RNF157: variants seen among roughly 807,000 people sequenced by gnomAD.
RNF157 encodes ring finger protein 157.
In RNF157, 55 loss-of-function variants were observed where a neutral mutation model predicts 88.3. That is an observed-to-expected ratio of 0.62 (90% confidence interval 0.50 to 0.78). The LOEUF (loss-of-function observed/expected upper bound fraction) is 0.78. RNF157 is among the 30% of genes least tolerant of loss of function. The pLI is 0.00. For synonymous variants in RNF157, 334 were observed against 341.2 expected, an observed-to-expected ratio of 0.98 and a Z score of 0.23; for missense variants, 788 against 860.8, an observed-to-expected ratio of 0.92 and a Z score of 1.06.
At chr17:76,233,082 A>G (rs1324617257) in intron 1 of RNF157, among the ~76,000 whole-genome samples, 1 of 152,026 alleles carries the variant, frequency 6.6e-6, no homozygotes, top group Non-Finnish European at 1.5e-5. Context: ...CACCACGCCC[A>G]GCTAATTTTT....
At chr17:76,210,393 A>C (rs375474263) in intron 2 of RNF157, among the ~76,000 whole-genome samples, 1 of 151,774 alleles carries the variant, frequency 6.6e-6, no homozygotes, top group Non-Finnish European at 1.5e-5. Flanking sequence ...GATCGAGACC[A>C]TCCTGGCTAA....
At chr17:76,190,887 G>A (rs1348512990) in intron 2 of RNF157, among the ~76,000 whole-genome samples, 4 of 150,312 alleles carry the variant, frequency 2.7e-5, no homozygotes, top group African/African-American at 9.8e-5. Context: ...CAGCCTGGGC[G>A]ACAGGGCGAG....
chr17:76,189,753 G>A (rs574897219), intron 2 of RNF157, among the ~76,000 whole-genome samples: 1 of 152,296 alleles, frequency 6.6e-6, no homozygotes, highest in South Asian at 2.1e-4. Flanking sequence ...CCGGAGAAGG[G>A]ACCCTCCGAA....
chr17:76,181,156 G>A (rs576651516), intron 2 of RNF157, among the ~76,000 whole-genome samples: 1 of 152,298 alleles, frequency 6.6e-6, no homozygotes, highest in African/African-American at 2.4e-5. Context: ...TGCTTCTACT[G>A]TAGGGCAAGT....
At chr17:76,199,072 G>C (rs1401463490) in intron 2 of RNF157, among the ~76,000 whole-genome samples, 1 of 152,214 alleles carries the variant, frequency 6.6e-6, no homozygotes, top group East Asian at 1.9e-4. Flanking sequence ...GTATTCCACA[G>C]AATGTAAATG....
chr17:76,198,644 T>C (rs956224058), intron 2 of RNF157, among the ~76,000 whole-genome samples: 4 of 152,212 alleles, frequency 2.6e-5, no homozygotes, highest in African/African-American at 7.2e-5. Flanking sequence ...CAAATCTCAG[T>C]TGGACAACTG....
In RNF157 at chr17:76,152,474, G is replaced by A; in HGVS notation, c.1811-9C>T. 6.4e-7 allele frequency: 1 copy of A among 1,572,904 alleles called. No individual in the cohort carries two copies. The highest frequency in any genetic ancestry group is 8.8e-7 in the Non-Finnish European group (1 of 1,142,538). ...TGCGCACGTCCTCTGGCCTGTAACG[G>A]AGTTAATGCAGTTAGAGAGGGGCTG... On this transcript the variant is annotated splice_polypyrimidine_tract_variant and intron_variant, in intron 17 of 18. Transcript: ENST00000269391.
Position 76,173,682 on chromosome 17 carries a change from C to A in RNF157, c.296+20G>T. 1 of 1,585,596 alleles carries A rather than the reference C, an allele frequency of 6.3e-7. No homozygotes were observed. Among genetic ancestry groups the A allele is most frequent in the African/African-American group, 1.3e-5 (1 of 74,310 alleles). On this transcript the variant is annotated intron_variant, in intron 3 of 18. Coordinates refer to ENST00000269391, the MANE Select transcript of RNF157 (RefSeq NM_052916.3). The stretch of plus-strand genomic sequence containing the variant: ...CAAAGGAAGGTGCCTGGGACCTGGC[C>A]CCAGCCTCTGGGAACTTACTTGACG...
intron 1 of RNF157, among the ~76,000 whole-genome samples, chr17:76,227,052 G>A (rs1166587072): frequency 6.6e-6 from 1 of 151,968 alleles, no homozygotes; most frequent in Non-Finnish European, 1.5e-5. Context: ...TGCACGTGCG[G>A]AAAAAACTAC....
intron 14 of RNF157, 98 bp from the exon 15 acceptor site, chr17:76,155,832 A>C: frequency 9.0e-7 from 1 of 1,108,610 alleles, no homozygotes; most frequent in Non-Finnish European, 1.3e-6. Flanking sequence ...TCAGGCATTG[A>C]GGAGTGAAGT....
intron 1 of RNF157, among the ~76,000 whole-genome samples, chr17:76,224,974 C>T (rs910439262): frequency 1.3e-5 from 2 of 151,970 alleles, no homozygotes; most frequent in Non-Finnish European, 2.9e-5. Context: ...GAGTTCGAGA[C>T]CAACCTGGCC....
chr17:76,172,313 C>G (rs968180982), intron 3 of RNF157, among the ~76,000 whole-genome samples: 1 of 151,746 alleles, frequency 6.6e-6, no homozygotes, highest in Admixed American at 6.6e-5. Flanking sequence ...GACTCTGGGC[C>G]AGGTGCGGTG....
chr17:76,167,269 C>T (rs1369172618), intron 4 of RNF157, 143 bp from the exon 5 acceptor site: 2 of 701,412 alleles, frequency 2.9e-6, no homozygotes, highest in Admixed American at 5.9e-5. Flanking sequence ...ATTTCCTTTG[C>T]TCTTGCTTGG....
At chr17:76,159,295 A>C in intron 12 of RNF157, 40 bp downstream of exon 12, 1 of 1,552,158 alleles carries the variant, frequency 6.4e-7, no homozygotes, top group Non-Finnish European at 8.9e-7. Flanking sequence ...CATTTCATCA[A>C]GGATTCCGGG....
At chr17:76,152,500 G>C (rs376074377) in intron 17 of RNF157, 35 bp from the exon 18 acceptor site, 3 of 1,357,486 alleles carry the variant, frequency 2.2e-6, no homozygotes, top group African/African-American at 1.4e-5. Flanking sequence ...AGAGGGGCTG[G>C]CTGTGTTTTT....
At chr17:76,224,530 C>G (rs1007313565) in intron 1 of RNF157, among the ~76,000 whole-genome samples, 1 of 152,012 alleles carries the variant, frequency 6.6e-6, no homozygotes, top group African/African-American at 2.4e-5. Flanking sequence ...AACTAGAAAA[C>G]TGCAAACACC....
At chr17:76,175,148 T>C (rs2069084262) in intron 2 of RNF157, among the ~76,000 whole-genome samples, 1 of 152,222 alleles carries the variant, frequency 6.6e-6, no homozygotes, top group African/African-American at 2.4e-5. Context: ...ATTTTGCAGT[T>C]TCTTTTTCAC....
intron 2 of RNF157, among the ~76,000 whole-genome samples, chr17:76,200,494 G>C (rs919288595): frequency 6.6e-6 from 1 of 152,140 alleles, no homozygotes; most frequent in African/African-American, 2.4e-5. Flanking sequence ...GATTCAACTC[G>C]TATGAGGTAC....
intron 2 of RNF157, among the ~76,000 whole-genome samples, chr17:76,204,093 A>G (rs1409606318): frequency 6.6e-6 from 1 of 152,176 alleles, no homozygotes; most frequent in Non-Finnish European, 1.5e-5. Context: ...TACAATATTC[A>G]TAGCTCTTCA....
Sources: allele counts gnomAD v4.1 joint callset (sites outside exome capture counted in the v4.1 genomes callset), GRCh38; gene constraint gnomAD v4.1.1; transcripts MANE v1.5; gene names NCBI Gene and HGNC (gene_info 2026-07-23, HGNC 2026-07-21).